The following ABCB4 variants were observed in gnomAD, a reference collection of about 807,000 sequenced individuals.
ABCB4 encodes the protein ATP binding cassette subfamily B member 4, also known as phosphatidylcholine translocator ABCB4.
ABCB4 carries 76 observed loss-of-function variants against 145.7 expected under a neutral mutation model. The observed-to-expected ratio is 0.52, with a 90% CI of 0.43 to 0.63. ABCB4 has a LOEUF of 0.63. ABCB4 is among the 30% of genes least tolerant of loss of function. ABCB4 has a pLI of 0.00. For synonymous variants in ABCB4, 517 were observed against 566.8 expected, an observed-to-expected ratio of 0.91 and a Z score of 1.25; for missense variants, 1,234 against 1,553.1, an observed-to-expected ratio of 0.79 and a Z score of 3.45.
Position 87,426,758 on chromosome 7 carries a change from C to T in ABCB4, c.2056G>A (p.Asp686Asn), listed in dbSNP as rs78653500. ...AGTGAAAAACAACTTACAAGTCCATCGGTTTCCACATCAAGGCTCTTCTGA... is the reference window on the plus strand; with the variant it reads ...AGTGAAAAACAACTTACAAGTCCATTGGTTTCCACATCAAGGCTCTTCTGA... Reference protein sequence around the residue: ...MCQKSLDVETDGLEANVPPVS... With the variant: ...MCQKSLDVETNGLEANVPPVS... The change falls in exon 16 of 28, where the codon GAT becomes AAT. Residue 686 changes from aspartate (D) to asparagine (N), a missense_variant. By Grantham distance (23) the Asp-to-Asn change is conservative. Transcript: ENST00000649586. The T allele has an allele frequency of 1.1e-5, 17 of 1,613,630 alleles. No homozygotes were observed. The highest frequency in any genetic ancestry group is 6.7e-5 in the African/African-American group (5 of 74,908).
chr7:87,407,978 A>G (rs1371959904), intron 25 of ABCB4, 59 bp downstream of exon 25: 4 of 1,600,444 alleles, frequency 2.5e-6, no homozygotes, highest in South Asian at 1.1e-5. Context: ...CATTATGACA[A>G]TATTGGTTGG....
At chr7:87,386,643 G>T in the ABCB4 span, among the ~76,000 whole-genome samples, 2 of 152,106 alleles carry the variant, frequency 1.3e-5, no homozygotes, top group African/African-American at 2.4e-5. Flanking sequence ...GCTTACTGTT[G>T]TGGACTTGGA....
At chr7:87,390,505 A>G in the ABCB4 span, among the ~76,000 whole-genome samples, 3 of 152,156 alleles carry the variant, frequency 2.0e-5, no homozygotes. Flanking sequence ...AAGGGATACC[A>G]TTTCACTCCA....
chr7:87,408,450 TA>T (rs1418804457), intron 24 of ABCB4, among the ~76,000 whole-genome samples: 2 of 152,220 alleles, frequency 1.3e-5, no homozygotes, highest in African/African-American at 2.4e-5. Context: ...AAAAAGTCAT[TA>T]CCATGAGTTG....
chr7:87,375,547 T>G, the ABCB4 span: 1 of 871,432 alleles, frequency 1.1e-6, no homozygotes, highest in Admixed American at 2.3e-5. Context: ...CATTTAAATA[T>G]TGATCAATGT....
At chr7:87,468,941 T>TAAATAAAATAAAATAAAATA (rs376156950) in intron 3 of ABCB4, among the ~76,000 whole-genome samples, 18 of 138,934 alleles carry the variant, frequency 1.3e-4, no homozygotes, top group African/African-American at 4.9e-4. Flanking sequence ...AAAAAATAAA[T>TAAATAAAATAAAATAAAATA]AAATAAAATA....
rs142818792 is a variant in ABCB4, at chr7:87,419,859, T to G, written c.2394+139A>C. 1.1e-3 allele frequency: 988 copies of G among 886,626 alleles called. 3 individuals carry two copies. The highest frequency in any genetic ancestry group is 2.6e-3 in the Admixed American group (152 of 57,642). The allele number at this position is 886,626 out of a possible 1,614,324, so 54.9% of individuals were successfully genotyped here. A position where few individuals can be genotyped will look rare whatever the true frequency, so the allele number is the denominator to read the frequency against. ...TTTAGCTCTTGAAGGACCAGGACAA[T>G]TTGCAGGACTCTGCCCCATCCTTGC... On this transcript the variant is annotated intron_variant, in intron 19 of 27. Coordinates refer to ENST00000649586, the MANE Select transcript of ABCB4 (RefSeq NM_000443.4).
At chr7:87,382,334 T>C in the ABCB4 span, 1 of 1,483,246 alleles carries the variant, frequency 6.7e-7, no homozygotes. Flanking sequence ...ATTACTTTAA[T>C]GCAGGTGATA....
intron 10 of ABCB4, 95 bp from the exon 11 acceptor site, chr7:87,443,868 G>A: frequency 9.1e-6 from 8 of 874,892 alleles, no homozygotes; most frequent in Non-Finnish European, 1.1e-5. Context: ...AATAGGACCT[G>A]GAATGTCACA....
At chr7:87,451,572 A>G (rs1811732478) in intron 7 of ABCB4, 51 bp downstream of exon 7, 3 of 1,601,764 alleles carry the variant, frequency 1.9e-6, no homozygotes, top group Non-Finnish European at 2.6e-6. Flanking sequence ...CATATTAAAG[A>G]TTACTGTGTG....
intron 23 of ABCB4, among the ~76,000 whole-genome samples, chr7:87,410,845 T>C (rs1425906731): frequency 6.6e-6 from 1 of 152,220 alleles, no homozygotes; most frequent in Non-Finnish European, 1.5e-5. Flanking sequence ...ATTTGTTTCT[T>C]TGGCTTCTTT....
rs914166042 is a variant in ABCB4 at position 87,462,837 on chromosome 7, T to C, written c.207A>G (p.Ser69=). The part of the protein sequence containing the change: ...LGTIMAIAHG[S]GLPLMMIVFG... Reference sequence around the variant, plus strand: ...ATACTATCATCATGAGGGGGAGACCTGATCCGTGAGCTATGGCCATGATGG... The same window carrying C: ...ATACTATCATCATGAGGGGGAGACCCGATCCGTGAGCTATGGCCATGATGG... Residue 69 remains serine, a synonymous_variant, in exon 4 of 28, where the codon TCA becomes TCG. Coordinates refer to ENST00000649586, the MANE Select transcript of ABCB4 (RefSeq NM_000443.4). 1.9e-6 allele frequency: 3 copies of C among 1,613,758 alleles called. No individual in the cohort carries two copies. The highest frequency in any genetic ancestry group is 3.3e-5 in the Admixed American group (2 of 60,016).
intron 15 of ABCB4, among the ~76,000 whole-genome samples, chr7:87,428,111 C>T (rs1002945283): frequency 1.3e-4 from 20 of 152,284 alleles, no homozygotes; most frequent in Middle Eastern, 3.4e-3. Context: ...AGAACTTTTC[C>T]TCTTTTGGTA....
the ABCB4 span, among the ~76,000 whole-genome samples, chr7:87,366,075 C>G: frequency 6.6e-6 from 1 of 152,130 alleles, no homozygotes; most frequent in South Asian, 2.1e-4. Flanking sequence ...TCCAAATTTC[C>G]CATTGCTCTG....
At chr7:87,378,761 G>C in the ABCB4 span, among the ~76,000 whole-genome samples, 1 of 152,096 alleles carries the variant, frequency 6.6e-6, no homozygotes, top group Non-Finnish European at 1.5e-5. Context: ...GCTTGGCCTG[G>C]GTCACATGCC....
At chr7:87,416,626 A>G (rs1189732952) in intron 21 of ABCB4, among the ~76,000 whole-genome samples, 1 of 152,200 alleles carries the variant, frequency 6.6e-6, no homozygotes, top group Non-Finnish European at 1.5e-5. Context: ...AAGAGACCAT[A>G]TAGTAGAGGT....
intron 3 of ABCB4, among the ~76,000 whole-genome samples, chr7:87,463,627 A>G (rs555125746): frequency 3.7e-4 from 57 of 152,318 alleles, no homozygotes; most frequent in Non-Finnish European, 7.5e-4. Flanking sequence ...GGTAACTAGA[A>G]ACTACATGGA....
chr7:87,398,547 G>A, downstream of ABCB4: 1 of 1,613,724 alleles, frequency 6.2e-7, no homozygotes, highest in Non-Finnish European at 8.5e-7. Context: ...TGTTCAGCCT[G>A]GAAATCCTGT....
At chr7:87,382,250 C>A in the ABCB4 span, 1 of 1,454,414 alleles carries the variant, frequency 6.9e-7, no homozygotes, top group East Asian at 2.3e-5. Flanking sequence ...AAAAATTTGG[C>A]TGTCATCCAA....
Sources: allele counts gnomAD v4.1 joint callset (sites outside exome capture counted in the v4.1 genomes callset), GRCh38; gene constraint gnomAD v4.1.1; transcripts MANE v1.5; gene names NCBI Gene and HGNC (gene_info 2026-07-23, HGNC 2026-07-21).